The following WASF3 variants were observed in gnomAD, a reference collection of about 807,000 sequenced individuals.
WASF3 encodes WASP family member 3.
Under a neutral mutation model 46.6 loss-of-function variants are expected in WASF3, and 11 were observed. The observed-to-expected ratio is 0.24, with a 90% confidence interval of 0.15 to 0.39. The LOEUF is 0.39. WASF3 is among the 10% of genes least tolerant of loss of function. The pLI, the probability that WASF3 is intolerant of heterozygous loss-of-function variation, is 1.00. For synonymous variants in WASF3, 242 were observed against 259.7 expected, an observed-to-expected ratio of 0.93 and a Z score of 0.65; for missense variants, 576 against 669.8, an observed-to-expected ratio of 0.86 and a Z score of 1.55.
chr13:26,642,172 G>A, intron 2 of WASF3, 89 bp from the exon 3 acceptor site: 1 of 1,378,086 alleles, frequency 7.3e-7, no homozygotes, highest in Admixed American at 2.7e-5. Flanking sequence ...GAAAATTCCT[G>A]GAAAATAGTC....
chr13:26,624,960 T>G (rs961629002), intron 2 of WASF3, among the ~76,000 whole-genome samples: 2 of 152,138 alleles, frequency 1.3e-5, no homozygotes, highest in African/African-American at 4.8e-5. Context: ...TGAGGGAATT[T>G]ATTGCCACAG....
chr13:26,558,028 C>T (rs1040175152), intron 1 of WASF3, among the ~76,000 whole-genome samples: 4 of 151,504 alleles, frequency 2.6e-5, no homozygotes, highest in Non-Finnish European at 2.9e-5. Flanking sequence ...TTCTCCCGGC[C>T]GGCTCCCGCG....
At chr13:26,658,034 T>C (rs1414942479) in intron 3 of WASF3, among the ~76,000 whole-genome samples, 1 of 152,220 alleles carries the variant, frequency 6.6e-6, no homozygotes, top group Admixed American at 6.5e-5. Flanking sequence ...CTTGTCCTTT[T>C]CTGCTTATGC....
chr13:26,567,313 T>G (rs1955215519), intron 1 of WASF3, among the ~76,000 whole-genome samples: 1 of 152,200 alleles, frequency 6.6e-6, no homozygotes, highest in African/African-American at 2.4e-5. Flanking sequence ...GCCAGTATTT[T>G]GTCAATTAAA....
chr13:26,592,644 A>G lies in WASF3; in HGVS notation c.-108-20317A>G, dbSNP rs572310758. Among the ~76,000 whole-genome samples, 8 of 152,306 alleles carry G rather than the reference A, an allele frequency of 5.3e-5. No homozygotes were observed. The South Asian group carries it at 1.7e-3, about 32-fold the overall frequency. ...ACCTCATTTAACCTTAATTACCACT[A>G]TAAAGGCCCTACCTCCAAATGCATC... is the stretch of plus-strand genomic sequence containing the variant. On this transcript the variant is annotated intron_variant, in intron 1 of 9. Coordinates refer to ENST00000335327, the MANE Select transcript of WASF3 (RefSeq NM_006646.6).
intron 3 of WASF3, among the ~76,000 whole-genome samples, chr13:26,660,805 A>G (rs750360091): frequency 6.6e-6 from 1 of 152,168 alleles, no homozygotes. Flanking sequence ...AAGGCTGGGT[A>G]ACTTAGAAAG....
chr13:26,685,624 T>C, intron 9 of WASF3, 64 bp from the exon 10 acceptor site: 1 of 1,584,498 alleles, frequency 6.3e-7, no homozygotes, highest in Non-Finnish European at 8.6e-7. Context: ...ACATATTTGT[T>C]CGTTTATCTT....
intron 1 of WASF3, among the ~76,000 whole-genome samples, chr13:26,581,650 G>T (rs770796260): frequency 6.6e-6 from 1 of 152,060 alleles, no homozygotes; most frequent in African/African-American, 2.4e-5. Context: ...CAAAACCACT[G>T]CTTTTAAGGG....
intron 2 of WASF3, among the ~76,000 whole-genome samples, chr13:26,634,293 G>C (rs1339264063): frequency 6.6e-6 from 1 of 152,160 alleles, no homozygotes; most frequent in Non-Finnish European, 1.5e-5. Flanking sequence ...TGTTTTATCA[G>C]AGACTAGGAT....
intron 6 of WASF3, among the ~76,000 whole-genome samples, chr13:26,675,676 G>T (rs1008833817): frequency 6.7e-6 from 1 of 149,032 alleles, no homozygotes; most frequent in African/African-American, 2.5e-5. Context: ...GTGTGTGTTT[G>T]CCATTTGTGT....
chr13:26,628,001 T>C (rs1452244422), intron 2 of WASF3, among the ~76,000 whole-genome samples: 1 of 150,142 alleles, frequency 6.7e-6, no homozygotes, highest in African/African-American at 2.5e-5. Flanking sequence ...GCTGAGAGAG[T>C]TGGAGGGAAG....
the WASF3 span, among the ~76,000 whole-genome samples, chr13:26,544,035 A>G: frequency 1.3e-5 from 2 of 152,168 alleles, no homozygotes; most frequent in African/African-American, 4.8e-5. Flanking sequence ...GCATGCTTGT[A>G]TGTAACTGCC....
the WASF3 span, among the ~76,000 whole-genome samples, chr13:26,550,514 GA>G: frequency 6.6e-6 from 1 of 152,152 alleles, no homozygotes; most frequent in African/African-American, 2.4e-5. Context: ...TTATATAAGG[GA>G]AATGGGGGCT....
intron 1 of WASF3, among the ~76,000 whole-genome samples, chr13:26,578,993 CTTTTTTTTTT>C (rs200299739): frequency 3.3e-5 from 2 of 60,634 alleles, no homozygotes; most frequent in African/African-American, 7.7e-5. Flanking sequence ...GATACATTTC[CTTTTTTTTTT>C]TTTTTTTTTT....
intron 3 of WASF3, among the ~76,000 whole-genome samples, chr13:26,660,935 T>A (rs1882610911): frequency 6.6e-6 from 1 of 152,098 alleles, no homozygotes; most frequent in Non-Finnish European, 1.5e-5. Context: ...GGGAGCTGTG[T>A]GTGCAGAGGT....
At chr13:26,666,377 TG>T (rs1185434673) in intron 4 of WASF3, among the ~76,000 whole-genome samples, 4 of 149,024 alleles carry the variant, frequency 2.7e-5, no homozygotes, top group African/African-American at 9.7e-5. Context: ...TTATAGTACA[TG>T]TCATATCTTT....
chr13:26,576,320 T>A (rs1315170585), intron 1 of WASF3, among the ~76,000 whole-genome samples: 1 of 152,190 alleles, frequency 6.6e-6, no homozygotes, highest in Non-Finnish European at 1.5e-5. Context: ...CACTCCTGTT[T>A]CATTACTTTC....
the WASF3 span, among the ~76,000 whole-genome samples, chr13:26,547,456 A>G: frequency 6.6e-6 from 1 of 151,552 alleles, no homozygotes; most frequent in East Asian, 1.9e-4. Flanking sequence ...TCCTGGGGCT[A>G]TCTATCCAGA....
At chr13:26,647,318 T>A (rs1020743883) in intron 3 of WASF3, among the ~76,000 whole-genome samples, 20 of 152,206 alleles carry the variant, frequency 1.3e-4, no homozygotes, top group Admixed American at 2.6e-4. Context: ...GTGTGAGCAA[T>A]CAGAGTGGCT....
Sources: gnomAD v4.1 joint callset for allele counts (sites outside exome capture counted in the v4.1 genomes callset) on GRCh38, gnomAD v4.1.1 for gene constraint, MANE v1.5 for transcripts, NCBI Gene and HGNC (gene_info 2026-07-23, HGNC 2026-07-21) for gene names.